Variants in TAMM41 observed in about 807,000 individuals in gnomAD.
TAMM41 encodes TAM41 mitochondrial translocator assembly and maintenance homolog.
Under a neutral mutation model 44.1 loss-of-function variants are expected in TAMM41, and 36 were observed. The ratio of observed to expected loss-of-function variants is 0.82; its 90% CI spans 0.63 to 1.08. The LOEUF (loss-of-function observed/expected upper bound fraction) is 1.08. Ranked by LOEUF, TAMM41 falls within the 50% of genes least tolerant of loss-of-function variation. TAMM41 has a pLI of 0.00. For synonymous variants in TAMM41, 164 were observed against 153.1 expected, an observed-to-expected ratio of 1.07 and a Z score of -0.53; for missense variants, 417 against 404.3, an observed-to-expected ratio of 1.03 and a Z score of -0.27.
chr3:11,735,896 A>C, the TAMM41 span, among the ~76,000 whole-genome samples: 1 of 152,104 alleles, frequency 6.6e-6, no homozygotes, highest in Non-Finnish European at 1.5e-5. Flanking sequence ...TTTCCAAACC[A>C]CGCAGGGCCC....
downstream of TAMM41, among the ~76,000 whole-genome samples, chr3:11,790,068 T>C (rs1367647714): frequency 2.0e-5 from 3 of 151,908 alleles, no homozygotes; most frequent in Non-Finnish European, 4.4e-5. Context: ...TCCAGGGAAA[T>C]GTTGACGTGA....
chr3:11,798,648 T>C (rs1559269245), intron 7 of TAMM41, among the ~76,000 whole-genome samples: 1 of 151,784 alleles, frequency 6.6e-6, no homozygotes, highest in Admixed American at 6.6e-5. Context: ...TACCCCAAAC[T>C]TAAAATAAAA....
chr3:11,800,292 C>G (rs1423335122), intron 7 of TAMM41, among the ~76,000 whole-genome samples: 1 of 151,942 alleles, frequency 6.6e-6, no homozygotes, highest in African/African-American at 2.4e-5. Flanking sequence ...AACCATGTGA[C>G]AGAAACAAAA....
At chr3:11,827,862 T>A (rs970794457) in intron 4 of TAMM41, among the ~76,000 whole-genome samples, 2 of 152,152 alleles carry the variant, frequency 1.3e-5, no homozygotes, top group African/African-American at 4.8e-5. Context: ...CAATCTCGCC[T>A]CTGCCTAAGT....
At chr3:11,771,691 T>C in the TAMM41 span, among the ~76,000 whole-genome samples, 31 of 152,058 alleles carry the variant, frequency 2.0e-4, no homozygotes, top group African/African-American at 7.5e-4. Flanking sequence ...CAAGCGATTC[T>C]CCTGTCTCAG....
At chr3:11,772,061 TTTTC>T in the TAMM41 span, among the ~76,000 whole-genome samples, 3 of 150,012 alleles carry the variant, frequency 2.0e-5, no homozygotes, top group Non-Finnish European at 3.0e-5. Flanking sequence ...CAGTGTCTGT[TTTTC>T]TTTTTCTTTT....
intron 1 of TAMM41, chr3:11,844,926 A>T (rs2079609998): frequency 2.2e-6 from 1 of 456,592 alleles, no homozygotes; most frequent in African/African-American, 2.0e-5. Flanking sequence ...GGGGCACAGG[A>T]GGGAGAAATT....
intron 7 of TAMM41, among the ~76,000 whole-genome samples, chr3:11,797,137 A>C (rs888679328): frequency 3.3e-5 from 5 of 152,176 alleles, no homozygotes; most frequent in Admixed American, 3.3e-4. Context: ...ACAGAACTAG[A>C]AAAAAACTAT....
chr3:11,723,902 G>C, the TAMM41 span, among the ~76,000 whole-genome samples: 1 of 151,890 alleles, frequency 6.6e-6, no homozygotes, highest in African/African-American at 2.4e-5. Context: ...GGGTGACTGA[G>C]TGGAGGTAGC....
At chr3:11,793,548 C>T (rs925880134) in intron 7 of TAMM41, among the ~76,000 whole-genome samples, 1 of 152,214 alleles carries the variant, frequency 6.6e-6, no homozygotes, top group African/African-American at 2.4e-5. Context: ...AAAATATTCA[C>T]AGCAGCACTA....
chr3:11,769,434 A>G, the TAMM41 span, among the ~76,000 whole-genome samples: 1 of 148,766 alleles, frequency 6.7e-6, no homozygotes, highest in East Asian at 2.0e-4. Flanking sequence ...ACAGGCAGCC[A>G]GTTGGATGGA....
the TAMM41 span, among the ~76,000 whole-genome samples, chr3:11,772,275 C>G: frequency 0.01 from 1,524 of 146,404 alleles, 12 homozygotes; most frequent in South Asian, 0.037. Flanking sequence ...TAGAGACGGG[C>G]TTTCACCGTG....
intron 4 of TAMM41, chr3:11,826,586 T>G (rs940896591): frequency 1.3e-5 from 2 of 150,872 alleles, no homozygotes; most frequent in Non-Finnish European, 3.0e-5. Flanking sequence ...ATTATCTCAT[T>G]GATAATTTCT....
chr3:11,827,136 T>C (rs1467301786), intron 4 of TAMM41, among the ~76,000 whole-genome samples: 1 of 152,202 alleles, frequency 6.6e-6, no homozygotes, highest in Non-Finnish European at 1.5e-5. Flanking sequence ...ATTTGCTTGA[T>C]AAATATTAAA....
chr3:11,826,530 CAAAAAAAA>C (rs11388352), intron 4 of TAMM41, among the ~76,000 whole-genome samples: 1 of 62,222 alleles, frequency 1.6e-5, no homozygotes, highest in African/African-American at 6.4e-5. Context: ...CCTTGTCTCT[CAAAAAAAA>C]AAAAAAAAAA....
chr3:11,807,185 G>T, intron 7 of TAMM41: 1 of 1,387,358 alleles, frequency 7.2e-7, no homozygotes, highest in South Asian at 1.8e-5. Context: ...CTCCATGAGA[G>T]AAGAACATTA....
chr3:11,786,171 C>T (rs79341110), downstream of TAMM41, among the ~76,000 whole-genome samples: 5,790 of 151,984 alleles, frequency 0.038, 153 homozygotes, highest in Non-Finnish European at 0.04. Flanking sequence ...CTTCTCTGCA[C>T]GTAATCCTTC....
rs181150528 is a variant in TAMM41 at position 11,813,138 on chromosome 3, T to C, written c.709-3456A>G. Reference sequence around the variant, plus strand: ...CCTTGTTCAGTTTCTAGAAAGTTGGTAGACAGACACATTATACTTCCCTGT... The same window carrying C: ...CCTTGTTCAGTTTCTAGAAAGTTGGCAGACAGACACATTATACTTCCCTGT... On this transcript the variant is annotated intron_variant, in intron 5 of 7. Coordinates refer to ENST00000455809, the MANE Select transcript of TAMM41 (RefSeq NM_001284401.2). Among the ~76,000 whole-genome samples the C allele has an allele frequency of 7.2e-5, 11 of 152,290 alleles. No individual in the cohort carries two copies. In the East Asian group the frequency reaches 1.9e-3, roughly 27 times the overall value.
the TAMM41 span, among the ~76,000 whole-genome samples, chr3:11,743,874 A>C: frequency 6.6e-6 from 1 of 152,044 alleles, no homozygotes; most frequent in Non-Finnish European, 1.5e-5. Context: ...CTGCAGACCT[A>C]GTATCCCCAG....
Sources: allele counts gnomAD v4.1 joint callset (sites outside exome capture counted in the v4.1 genomes callset), GRCh38; gene constraint gnomAD v4.1.1; transcripts MANE v1.5; gene names NCBI Gene and HGNC (gene_info 2026-07-23, HGNC 2026-07-21).